The following ATP8A2 variants were observed in gnomAD, a reference collection of about 807,000 sequenced individuals.
The protein encoded by ATP8A2 is ATPase phospholipid transporting 8A2.
A neutral mutation model predicts 165.6 loss-of-function variants in ATP8A2; 100 were observed. The observed-to-expected ratio is 0.60, with a 90% CI of 0.51 to 0.71. The LOEUF is 0.71. Ranked by LOEUF, ATP8A2 falls within the 30% of genes least tolerant of loss-of-function variation. The probability of loss-of-function intolerance (pLI) is 0.00; values close to 1 mark genes in which losing one functional copy is unlikely to be tolerated. For synonymous variants in ATP8A2, 543 were observed against 548.8 expected (o/e 0.99, Z 0.15); for missense variants, 1,227 against 1,479.5 (o/e 0.83, Z 2.80).
chr13:25,438,779 A>G (rs1239137424), intron 1 of ATP8A2, among the ~76,000 whole-genome samples: 6 of 152,194 alleles, frequency 3.9e-5, no homozygotes, highest in Non-Finnish European at 7.3e-5. Flanking sequence ...TTTTATTTCT[A>G]TGTTACTTGT....
intron 27 of ATP8A2, among the ~76,000 whole-genome samples, chr13:25,795,905 T>G (rs1023240285): frequency 1.3e-5 from 2 of 151,872 alleles, no homozygotes; most frequent in African/African-American, 4.8e-5. Context: ...ATCTGTGAGA[T>G]GGAACTAGAA....
Position 26,016,330 on chromosome 13 carries a change from G to T in ATP8A2, c.3470-3558G>T, listed in dbSNP as rs142214248. Reference sequence around the variant, plus strand: ...CCCTGGGAGGTTTACAACAGGAGGGGCAACTCTTCTCTGCCTGTCTCTTCA... The same window carrying T: ...CCCTGGGAGGTTTACAACAGGAGGGTCAACTCTTCTCTGCCTGTCTCTTCA... On this transcript the variant is annotated intron_variant, in intron 36 of 36. Transcript: ENST00000381655. Among the ~76,000 whole-genome samples the T allele has an allele frequency of 2.2e-4, 33 of 152,248 alleles. No individual in the cohort carries two copies. In the East Asian group the frequency reaches 5.8e-3, roughly 27 times the overall value.
chr13:25,687,119 C>T (rs1038234634), intron 24 of ATP8A2, among the ~76,000 whole-genome samples: 1 of 152,138 alleles, frequency 6.6e-6, no homozygotes, highest in African/African-American at 2.4e-5. Flanking sequence ...AGCACATGGC[C>T]CACAGCGGCC....
At chr13:25,606,227 C>T (rs560565310) in intron 24 of ATP8A2, among the ~76,000 whole-genome samples, 6 of 152,186 alleles carry the variant, frequency 3.9e-5, no homozygotes, top group Non-Finnish European at 8.8e-5. Context: ...CACTGATGAA[C>T]TTTCCATTTA....
chr13:25,374,647 G>A (rs895060526), intron 1 of ATP8A2, among the ~76,000 whole-genome samples: 11 of 152,098 alleles, frequency 7.2e-5, no homozygotes, highest in African/African-American at 2.4e-4. Flanking sequence ...CAGAGGGGTC[G>A]GGTTGTGAGG....
At chr13:25,607,942 C>T (rs145183098) in intron 24 of ATP8A2, among the ~76,000 whole-genome samples, 28 of 152,224 alleles carry the variant, frequency 1.8e-4, no homozygotes, top group African/African-American at 6.5e-4. Flanking sequence ...CTTAGAAATG[C>T]TGCTTTTTAA....
intron 34 of ATP8A2, among the ~76,000 whole-genome samples, chr13:25,962,644 C>G (rs1160605036): frequency 6.6e-6 from 1 of 152,124 alleles, no homozygotes; most frequent in Non-Finnish European, 1.5e-5. Flanking sequence ...ATTGAGACTC[C>G]GAGCTCGGCT....
chr13:25,602,340 T>G (rs1346487129), intron 24 of ATP8A2, among the ~76,000 whole-genome samples: 1 of 151,946 alleles, frequency 6.6e-6, no homozygotes, highest in East Asian at 1.9e-4. Context: ...TGCTGTGTTG[T>G]GTAGGTGGTA....
intron 33 of ATP8A2, among the ~76,000 whole-genome samples, chr13:25,895,181 T>G (rs1248187934): frequency 6.6e-6 from 1 of 152,212 alleles, no homozygotes; most frequent in Non-Finnish European, 1.5e-5. Context: ...TTGTCATAGA[T>G]AGCTCTTATT....
intron 32 of ATP8A2, among the ~76,000 whole-genome samples, chr13:25,861,733 T>G (rs1236595076): frequency 6.6e-6 from 1 of 152,156 alleles, no homozygotes; most frequent in Non-Finnish European, 1.5e-5. Flanking sequence ...TGGATTAGAT[T>G]GTGGGGTGTG....
At chr13:25,786,482 C>T (rs1163674076) in intron 27 of ATP8A2, among the ~76,000 whole-genome samples, 1 of 152,034 alleles carries the variant, frequency 6.6e-6, no homozygotes, top group African/African-American at 2.4e-5. Context: ...CCTCTTTTAC[C>T]CAGGAATTAT....
chr13:25,838,090 T>TC (rs1403502013), intron 29 of ATP8A2, among the ~76,000 whole-genome samples: 2 of 152,158 alleles, frequency 1.3e-5, no homozygotes, highest in Admixed American at 6.5e-5. Flanking sequence ...CAGGGGGGAT[T>TC]CAGAAGTTTA....
At chr13:25,851,449 G>A (rs9511948) in intron 30 of ATP8A2, among the ~76,000 whole-genome samples, 1 of 151,996 alleles carries the variant, frequency 6.6e-6, no homozygotes, top group South Asian at 2.1e-4. Context: ...CAGGCATGGT[G>A]GTGGGCACCT....
intron 15 of ATP8A2, among the ~76,000 whole-genome samples, chr13:25,563,117 T>C (rs1469787525): frequency 6.6e-6 from 1 of 152,162 alleles, no homozygotes; most frequent in Non-Finnish European, 1.5e-5. Context: ...AACGTTGAAG[T>C]TTCAAGAGGA....
At chr13:25,823,762 G>A (rs1168410043) in intron 27 of ATP8A2, among the ~76,000 whole-genome samples, 1 of 152,070 alleles carries the variant, frequency 6.6e-6, no homozygotes, top group Non-Finnish European at 1.5e-5. Context: ...TTGTTTCCTA[G>A]GATGAAGGAT....
intron 23 of ATP8A2, among the ~76,000 whole-genome samples, chr13:25,589,174 T>C (rs1305763170): frequency 2.0e-5 from 3 of 152,166 alleles, no homozygotes; most frequent in African/African-American, 7.2e-5. Context: ...TTACTTTAAA[T>C]TTTTCACAGG....
chr13:25,808,989 G>T (rs997159716), intron 27 of ATP8A2, among the ~76,000 whole-genome samples: 2 of 152,178 alleles, frequency 1.3e-5, no homozygotes, highest in African/African-American at 2.4e-5. Flanking sequence ...CTAAGAGGTA[G>T]GCATGAAGGA....
At chr13:25,887,729 G>C (rs1461786913) in intron 33 of ATP8A2, among the ~76,000 whole-genome samples, 1 of 152,212 alleles carries the variant, frequency 6.6e-6, no homozygotes, top group Non-Finnish European at 1.5e-5. Flanking sequence ...TGCAGGCCCT[G>C]AGCCAGGTGC....
intron 25 of ATP8A2, among the ~76,000 whole-genome samples, chr13:25,699,998 G>A (rs921517974): frequency 1.3e-5 from 2 of 152,172 alleles, no homozygotes; most frequent in Admixed American, 6.5e-5. Flanking sequence ...GTCACAGAGA[G>A]CTGGAGGGGC....
Sources: allele counts gnomAD v4.1 joint callset (sites outside exome capture counted in the v4.1 genomes callset), GRCh38; gene constraint gnomAD v4.1.1; transcripts MANE v1.5; gene names NCBI Gene and HGNC (gene_info 2026-07-23, HGNC 2026-07-21).